UTP6: variants seen among roughly 807,000 people sequenced by gnomAD.
UTP6 encodes the protein UTP6 small subunit processome component, also known as U3 small nucleolar RNA-associated protein 6 homolog.
UTP6 carries 60 observed loss-of-function variants against 96.5 expected under a neutral mutation model. The ratio of observed to expected loss-of-function variants is 0.62; its 90% CI spans 0.51 to 0.77. UTP6 has a LOEUF of 0.77. Among genes scored for constraint, UTP6 ranks in the 30% least tolerant of loss-of-function variants. The pLI is 0.00. For synonymous variants in UTP6, 215 were observed against 240.1 expected, an observed-to-expected ratio of 0.90 and a Z score of 0.96; for missense variants, 637 against 706.5, an observed-to-expected ratio of 0.90 and a Z score of 1.12.
At chr17:31,867,902 A>G in intron 17 of UTP6, 144 bp downstream of exon 17, 1 of 619,176 alleles carries the variant, frequency 1.6e-6, no homozygotes, top group South Asian at 1.9e-5. Context: ...GGTTGCAGTG[A>G]GCCAAGATCA....
chr17:31,875,453 A>G (rs1374137474), intron 13 of UTP6, 40 bp from the exon 14 acceptor site: 2 of 1,596,838 alleles, frequency 1.3e-6, no homozygotes, highest in Non-Finnish European at 1.7e-6. Context: ...TAATTACTGA[A>G]ACCCAAACAA....
At chr17:31,871,765 C>CA (rs1910183724) in intron 16 of UTP6, among the ~76,000 whole-genome samples, 1 of 151,856 alleles carries the variant, frequency 6.6e-6, no homozygotes, top group Non-Finnish European at 1.5e-5. Context: ...TGGTGGCACA[C>CA]ACCTGTAGTC....
At chr17:31,873,561 C>G (rs560692167) in intron 15 of UTP6, 74 bp from the exon 16 acceptor site, 539 of 1,601,166 alleles carry the variant, frequency 3.4e-4, no homozygotes, top group Non-Finnish European at 4.5e-4. Flanking sequence ...TTCCCAGAAC[C>G]ACCTGAGGCC....
chr17:31,887,598 T>C (rs2142313753), intron 7 of UTP6: 1 of 251,494 alleles, frequency 4.0e-6, no homozygotes, highest in Non-Finnish European at 7.6e-6. Flanking sequence ...GTGATCCTCC[T>C]GCCTCAGCCT....
intron 11 of UTP6, 124 bp downstream of exon 11, chr17:31,880,449 C>T: frequency 2.6e-6 from 3 of 1,154,074 alleles, no homozygotes; most frequent in Non-Finnish European, 3.7e-6. Flanking sequence ...AAAGGCCAGG[C>T]TCATCGTAAA....
chr17:31,867,420 A>G (rs897660795), intron 17 of UTP6, among the ~76,000 whole-genome samples: 4 of 152,020 alleles, frequency 2.6e-5, no homozygotes, highest in African/African-American at 7.2e-5. Context: ...TGGCAGGAGA[A>G]GCACTTGAAC....
intron 13 of UTP6, among the ~76,000 whole-genome samples, chr17:31,877,024 A>T (rs1287620255): frequency 6.6e-6 from 1 of 152,194 alleles, no homozygotes; most frequent in African/African-American, 2.4e-5. Flanking sequence ...AAAAAATTTT[A>T]AAAATCAATA....
rs185872983 is a variant in UTP6 at position 31,890,628 on chromosome 17, G to A, written c.425-1225C>T. ...GCAAGACTCCATGTCAAAAAAAAAA[G>A]TCCAGAAAAAACTGCTTATCTTACC... On this transcript the variant is annotated intron_variant, in intron 6 of 18. Transcript: ENST00000261708. 2.9e-4 allele frequency among the ~76,000 whole-genome samples: 41 copies of A among 141,188 alleles called. No individual in the cohort carries two copies. In the East Asian group the frequency reaches 4.1e-3, roughly 14 times the overall value. The allele number at this position is 141,188 out of a possible 152,430, so 92.6% of individuals were successfully genotyped here.
chr17:31,887,211 G>A (rs1489830421), intron 8 of UTP6, 25 bp downstream of exon 8: 4 of 1,582,856 alleles, frequency 2.5e-6, no homozygotes, highest in East Asian at 2.2e-5. Context: ...GTTAGCAAGT[G>A]AGAATAAAAT....
intron 2 of UTP6, among the ~76,000 whole-genome samples, chr17:31,898,046 T>G (rs1046952469): frequency 2.0e-5 from 3 of 151,640 alleles, no homozygotes; most frequent in African/African-American, 7.3e-5. Flanking sequence ...ATACACACTA[T>G]GTCTCTGACA....
At chr17:31,867,678 CCAGGCACGG>C (rs1198506523) in intron 17 of UTP6, among the ~76,000 whole-genome samples, 2 of 152,038 alleles carry the variant, frequency 1.3e-5, no homozygotes, top group Non-Finnish European at 1.5e-5. Context: ...CACTCCCGGG[CCAGGCACGG>C]TGGCTCACGC....
At position 31,863,191 on chromosome 17, in the gene UTP6, T is replaced by C; in HGVS notation, c.*168A>G. 1.3e-6 allele frequency: 1 copy of C among 751,030 alleles called. No homozygotes were observed. The highest frequency in any genetic ancestry group is 2.1e-6 in the Non-Finnish European group (1 of 474,038). 46.5% of individuals were successfully genotyped at this position (751,030 alleles called of 1,614,324 possible). A position where few individuals can be genotyped will look rare whatever the true frequency, so the allele number is the denominator to read the frequency against. ...CCCAGTCTCAATCATAAAAATTTTT[T>C]AATTTTTAAAAAGATTTAACAAGTT... On this transcript the variant is annotated 3_prime_UTR_variant, in exon 19 of 19. Coordinates refer to ENST00000261708, the MANE Select transcript of UTP6 (RefSeq NM_018428.3).
chr17:31,891,857 T>A (rs1162987743), intron 6 of UTP6, among the ~76,000 whole-genome samples: 2 of 152,120 alleles, frequency 1.3e-5, no homozygotes, highest in Non-Finnish European at 2.9e-5. Context: ...ACCCAGTCTC[T>A]ACTAAAAATA....
At position 31,893,622 on chromosome 17, in the gene UTP6, G is replaced by A. The variant is rs2142321769; in HGVS notation, c.313-828C>T. Among the ~76,000 whole-genome samples the A allele has an allele frequency of 2.0e-5, 3 of 150,082 alleles. No homozygotes were observed. The South Asian group carries it at 6.4e-4, about 32-fold the overall frequency. On this transcript the variant is annotated intron_variant, in intron 4 of 18. Transcript: ENST00000261708. ...GTGCGTGCCTGAAGTCCCAGGTACT[G>A]GGGAGGCTGAGGCAGGAAAATTGCT...
chr17:31,881,969 T>G (rs938483711), intron 10 of UTP6, among the ~76,000 whole-genome samples: 6 of 152,134 alleles, frequency 3.9e-5, no homozygotes, highest in Admixed American at 2.0e-4. Context: ...ACAGCCCCTG[T>G]GCCCAGCCTA....
At position 31,867,933 on chromosome 17, in the gene UTP6, G is replaced by A. The variant is rs1012498505; in HGVS notation, c.1563+113C>T. On this transcript the variant is annotated intron_variant, in intron 17 of 18. Coordinates refer to ENST00000261708, the MANE Select transcript of UTP6 (RefSeq NM_018428.3). ...GATCACGCCACTGCACTCCAGCCTG[G>A]CAACAGAGCGAGACTCTGCCTCAAA... 41 of 974,074 alleles carry A rather than the reference G, an allele frequency of 4.2e-5. No homozygotes were observed. The Middle Eastern group carries it at 1.5e-3, about 35-fold the overall frequency. 60.3% of individuals were successfully genotyped at this position (974,074 alleles called of 1,614,324 possible).
At position 31,862,963 on chromosome 17, in the gene UTP6, G is replaced by C. The variant is rs1909608750; in HGVS notation, c.*396C>G. On this transcript the variant is annotated 3_prime_UTR_variant, in exon 19 of 19. Transcript: ENST00000261708. Reference sequence around the variant, plus strand: ...TAATTTTAAAAAAACCCAGTCGTATGCTATCCATGTATTTTGGGAAACATT... The same window carrying C: ...TAATTTTAAAAAAACCCAGTCGTATCCTATCCATGTATTTTGGGAAACATT... 1 of 165,170 alleles carries C rather than the reference G, an allele frequency of 6.1e-6. No individual in the cohort carries two copies. Among genetic ancestry groups the C allele is most frequent in the East Asian group, 1.7e-4 (1 of 5,908 alleles). 10.2% of individuals were successfully genotyped at this position (165,170 alleles called of 1,614,324 possible). A position where few individuals can be genotyped will look rare whatever the true frequency, so the allele number is the denominator to read the frequency against.
rs199655991 is a variant in UTP6, at chr17:31,863,439, G to A, written c.1714C>T (p.Arg572Ter). ...TCTCCCTGCAACATTTTCATCGCTC[G>A]CCAGTAGATCTGTCCACAGTTCTCA... Reference protein sequence around the residue: ...RPENCGQIYWRAMKMLQGESA... With the variant: ...RPENCGQIYW The change falls in exon 19 of 19, where the codon CGA becomes TGA. Residue 572 changes from arginine (R) to a stop codon, truncating the protein, a stop_gained. Transcript: ENST00000261708. LOFTEE classifies it high-confidence loss of function. 1.1e-5 allele frequency: 18 copies of A among 1,613,886 alleles called. No homozygotes were observed. The highest frequency in any genetic ancestry group is 2.7e-5 in the African/African-American group (2 of 74,934).
rs201792460 is a variant in UTP6, at chr17:31,880,629, C to T, written c.911G>A (p.Arg304Gln). 9.0e-5 allele frequency: 145 copies of T among 1,614,128 alleles called. 1 individual carries two copies. In the South Asian group the frequency reaches 1.0e-3, roughly 11 times the overall value. Residue 304 changes from arginine (R) to glutamine (Q), a missense_variant, in exon 11 of 19, where the codon CGG (arginine) becomes CAG (glutamine). Coordinates refer to ENST00000261708, the MANE Select transcript of UTP6 (RefSeq NM_018428.3). ...TKQAKAVEVG[R>Q]KEERCCAVYE... is the part of the protein sequence containing the mutation. The stretch of plus-strand genomic sequence containing the variant: ...CACAGCACAGCACCTCTCCTCCTTC[C>T]GGCCGACCTCCACTGCTTTGGCTTG...
Sources: allele counts gnomAD v4.1 joint callset (sites outside exome capture counted in the v4.1 genomes callset), GRCh38; gene constraint gnomAD v4.1.1; transcripts MANE v1.5; gene names NCBI Gene and HGNC (gene_info 2026-07-23, HGNC 2026-07-21).